Variants in RASA1 observed in about 807,000 individuals in gnomAD.
The protein encoded by RASA1 is ras GTPase-activating protein 1.
Under a neutral mutation model 132.2 loss-of-function variants are expected in RASA1, and 25 were observed. The observed-to-expected ratio is 0.19, with a 90% CI of 0.14 to 0.26. RASA1 has a LOEUF of 0.26. Among genes scored for constraint, RASA1 ranks in the 10% least tolerant of loss-of-function variants. The probability of loss-of-function intolerance (pLI) is 1.00; values close to 1 mark genes in which losing one functional copy is unlikely to be tolerated. For synonymous variants in RASA1, 477 were observed against 449.9 expected (o/e 1.06, Z -0.76); for missense variants, 964 against 1,299.2 (o/e 0.74, Z 3.97).
chr5:87,276,194 C>T (rs928929706), intron 1 of RASA1, among the ~76,000 whole-genome samples: 1 of 151,924 alleles, frequency 6.6e-6, no homozygotes, highest in African/African-American at 2.4e-5. Context: ...TTCCTTCAGG[C>T]CCAGCAAGCT....
At chr5:87,352,382 G>C (rs1427668599) in intron 8 of RASA1, among the ~76,000 whole-genome samples, 3 of 151,278 alleles carry the variant, frequency 2.0e-5, no homozygotes, top group Non-Finnish European at 3.0e-5. Flanking sequence ...GTGTTTCCTA[G>C]GTGGCTCAAA....
chr5:87,310,223 C>G (rs941587383), intron 1 of RASA1, among the ~76,000 whole-genome samples: 1 of 151,842 alleles, frequency 6.6e-6, no homozygotes, highest in Non-Finnish European at 1.5e-5. Context: ...AGATGAGGAT[C>G]ATAGCAAACT....
At chr5:87,386,097 T>G (rs1561330492) in intron 22 of RASA1, among the ~76,000 whole-genome samples, 1 of 152,046 alleles carries the variant, frequency 6.6e-6, no homozygotes, top group Non-Finnish European at 1.5e-5. Flanking sequence ...CAGAACTCAT[T>G]GGGTACTATA....
Position 87,373,804 on chromosome 5 carries a change from A to G in RASA1, c.1777-359A>G, listed in dbSNP as rs1361117293. ...TAACATACGGGATTTTAATTTGAGT[A>G]GTGACAGTTGTTTACTTATATTAAT... On this transcript the variant is annotated intron_variant, in intron 13 of 24. Coordinates refer to ENST00000274376, the MANE Select transcript of RASA1 (RefSeq NM_002890.3). 3.9e-5 allele frequency among the ~76,000 whole-genome samples: 6 copies of G among 152,246 alleles called. No homozygotes were observed. The East Asian group carries it at 9.6e-4, about 24-fold the overall frequency.
Position 87,344,473 on chromosome 5 carries a change from C to A in RASA1, c.1050-2199C>A, listed in dbSNP as rs72783707. On this transcript the variant is annotated intron_variant, in intron 6 of 24. Transcript: ENST00000274376. ...TCCTAGCACTTATCATCTGTAGTTTCCTAATCTCCAGCATGTAGGTCTTCA... is the reference window on the plus strand; with the variant it reads ...TCCTAGCACTTATCATCTGTAGTTTACTAATCTCCAGCATGTAGGTCTTCA... Among the ~76,000 whole-genome samples, 1,423 of 152,136 alleles carry A rather than the reference C, an allele frequency of 9.4e-3. 8 individuals carry two copies. Among genetic ancestry groups the A allele is most frequent in the Admixed American group, 0.012 (187 of 15,270 alleles).
intron 1 of RASA1, among the ~76,000 whole-genome samples, chr5:87,274,421 A>C (rs1753981367): frequency 6.6e-6 from 1 of 152,214 alleles, no homozygotes; most frequent in South Asian, 2.1e-4. Context: ...TGCATTATAC[A>C]TATGGGTGAG....
At chr5:87,345,747 C>G (rs982695285) in intron 6 of RASA1, among the ~76,000 whole-genome samples, 30 of 152,094 alleles carry the variant, frequency 2.0e-4, no homozygotes, top group African/African-American at 7.0e-4. Flanking sequence ...TCACACTGGA[C>G]TTTTGAGCAC....
chr5:87,268,824 G>A lies in RASA1; in HGVS notation c.373G>A (p.Ala125Thr), dbSNP rs1156764446. ...ALTKLPTSLL[A>T]ETLGPGGGFP... The stretch of plus-strand genomic sequence containing the variant: ...CACCAAACTGCCCACTTCGTTGCTT[G>A]CTGAGACTCTCGGGCCAGGCGGCGG... The change falls in exon 1 of 25, where the codon GCT becomes ACT. Residue 125 changes from alanine to threonine, a missense_variant. Ala to Thr is a moderately conservative substitution (Grantham distance 58, BLOSUM62 0). Transcript: ENST00000274376. 1.2e-6 allele frequency: 2 copies of A among 1,614,162 alleles called. No individual in the cohort carries two copies. Among genetic ancestry groups the A allele is most frequent in the Admixed American group, 1.7e-5 (1 of 60,024 alleles).
chr5:87,371,401 AAAGC>A lies in RASA1; in HGVS notation c.1699-714_1699-711del, dbSNP rs1444951013. 5.9e-5 allele frequency among the ~76,000 whole-genome samples: 9 copies of A among 152,248 alleles called. No homozygotes were observed. In the East Asian group the frequency reaches 1.7e-3, roughly 29 times the overall value. The stretch of plus-strand genomic sequence containing the variant: ...CAACAAACTAAAGACATAATTGAAT[AAAGC>A]AATAGTACACAGCTTTCCAGAAATA... On this transcript the variant is annotated intron_variant, in intron 12 of 24. Coordinates refer to ENST00000274376, the MANE Select transcript of RASA1 (RefSeq NM_002890.3).
intron 1 of RASA1, among the ~76,000 whole-genome samples, chr5:87,307,939 C>T (rs1479562806): frequency 6.6e-6 from 1 of 152,158 alleles, no homozygotes. Flanking sequence ...CTGTGTTAGG[C>T]AGATAGAATG....
chr5:87,332,424 G>C, intron 2 of RASA1, 83 bp from the exon 3 acceptor site: 2 of 1,343,540 alleles, frequency 1.5e-6, no homozygotes, highest in Admixed American at 3.7e-5. Flanking sequence ...GGAAATTATG[G>C]ATTTATAATT....
intron 1 of RASA1, among the ~76,000 whole-genome samples, chr5:87,286,521 A>G (rs1471951208): frequency 6.6e-6 from 1 of 152,020 alleles, no homozygotes; most frequent in Non-Finnish European, 1.5e-5. Flanking sequence ...GTTTAATGAA[A>G]AATAACCTTT....
intron 1 of RASA1, among the ~76,000 whole-genome samples, chr5:87,313,343 G>A (rs1324932961): frequency 6.6e-6 from 1 of 152,156 alleles, no homozygotes; most frequent in East Asian, 1.9e-4. Flanking sequence ...CTACCACAGG[G>A]TAGGAGGACA....
intron 1 of RASA1, among the ~76,000 whole-genome samples, chr5:87,286,914 A>G (rs1754596803): frequency 6.7e-6 from 1 of 149,964 alleles, no homozygotes; most frequent in Non-Finnish European, 1.5e-5. Flanking sequence ...TATAAGGAAC[A>G]CCATATATAT....
intron 9 of RASA1, among the ~76,000 whole-genome samples, chr5:87,361,239 A>G (rs1580352182): frequency 6.6e-6 from 1 of 152,248 alleles, no homozygotes; most frequent in East Asian, 1.9e-4. Flanking sequence ...TATAAAAAAC[A>G]GGTGGTGGAC....
intron 1 of RASA1, among the ~76,000 whole-genome samples, chr5:87,286,571 TTC>T (rs1329985931): frequency 1.3e-5 from 2 of 152,076 alleles, no homozygotes; most frequent in Non-Finnish European, 2.9e-5. Flanking sequence ...TTCATTTTAA[TTC>T]TGTTATACTC....
intron 14 of RASA1, 95 bp from the exon 15 acceptor site, chr5:87,374,745 C>T: frequency 1.3e-6 from 2 of 1,504,194 alleles, no homozygotes; most frequent in Non-Finnish European, 1.8e-6. Flanking sequence ...TTTTTTAAAG[C>T]AGAAATAGGG....
At chr5:87,307,152 G>A (rs964248304) in intron 1 of RASA1, among the ~76,000 whole-genome samples, 1 of 152,156 alleles carries the variant, frequency 6.6e-6, no homozygotes, top group Non-Finnish European at 1.5e-5. Flanking sequence ...ACAGGTGTGA[G>A]CCACTTTGCC....
intron 1 of RASA1, among the ~76,000 whole-genome samples, chr5:87,289,955 A>C (rs972786392): frequency 6.6e-6 from 1 of 151,944 alleles, no homozygotes; most frequent in Non-Finnish European, 1.5e-5. Context: ...TGTGGTTTCT[A>C]TATTAGTCAC....
Sources: allele counts gnomAD v4.1 joint callset (sites outside exome capture counted in the v4.1 genomes callset), GRCh38; gene constraint gnomAD v4.1.1; transcripts MANE v1.5; gene names NCBI Gene and HGNC (gene_info 2026-07-23, HGNC 2026-07-21).